The following TENM4 variants were observed in gnomAD, a reference collection of about 807,000 sequenced individuals.
TENM4 encodes the protein teneurin-4.
TENM4 carries 82 observed loss-of-function variants against 243.3 expected under a neutral mutation model. That is an observed-to-expected ratio of 0.34 (90% CI 0.28 to 0.40). TENM4 has a LOEUF of 0.40. Ranked by LOEUF, TENM4 falls within the 10% of genes least tolerant of loss-of-function variation. The pLI, the probability that TENM4 is intolerant of heterozygous loss-of-function variation, is 1.00. For synonymous variants in TENM4, 1,412 were observed against 1,456.3 expected (o/e 0.97, Z 0.69); for missense variants, 3,138 against 3,673.3 (o/e 0.85, Z 3.77).
intron 12 of TENM4, among the ~76,000 whole-genome samples, chr11:78,843,467 A>G (rs2136179050): frequency 6.6e-6 from 1 of 152,268 alleles, no homozygotes; most frequent in African/African-American, 2.4e-5. Flanking sequence ...AGCCTGGGTG[A>G]CAAAGCAAGA....
intron 2 of TENM4, among the ~76,000 whole-genome samples, chr11:79,245,938 TA>T (rs1199883938): frequency 0.034 from 2,215 of 64,922 alleles, 50 homozygotes; most frequent in African/African-American, 0.1. Flanking sequence ...AGACTTTGTC[TA>T]AAAAAAAAAA....
chr11:78,814,472 G>T (rs1024607995), intron 12 of TENM4, 77 bp from the exon 13 acceptor site: 4 of 1,284,916 alleles, frequency 3.1e-6, no homozygotes, highest in Middle Eastern at 1.8e-4. Context: ...CAAGCTTTAG[G>T]TTAGCCAAGA....
At chr11:79,161,852 C>A (rs1273402917) in intron 3 of TENM4, among the ~76,000 whole-genome samples, 1 of 152,176 alleles carries the variant, frequency 6.6e-6, no homozygotes, top group Non-Finnish European at 1.5e-5. Flanking sequence ...AGTACTAACT[C>A]TGCACCAGAA....
At chr11:79,290,915 C>G (rs1322624462) in intron 2 of TENM4, among the ~76,000 whole-genome samples, 1 of 152,166 alleles carries the variant, frequency 6.6e-6, no homozygotes, top group African/African-American at 2.4e-5. Context: ...TCATTTAGAG[C>G]TGTTTGTTTG....
chr11:79,268,421 G>T (rs1590839475), intron 2 of TENM4, among the ~76,000 whole-genome samples: 1 of 152,292 alleles, frequency 6.6e-6, no homozygotes, highest in East Asian at 1.9e-4. Context: ...TCTGACACTG[G>T]ACAAGTCACT....
intron 2 of TENM4, among the ~76,000 whole-genome samples, chr11:79,254,360 A>C (rs1366513655): frequency 2.6e-5 from 4 of 152,238 alleles, no homozygotes; most frequent in Admixed American, 6.5e-5. Flanking sequence ...CTGATAGTGA[A>C]ACACCTCCTA....
chr11:78,868,366 G>A (rs980248027), intron 9 of TENM4, among the ~76,000 whole-genome samples: 1 of 152,156 alleles, frequency 6.6e-6, no homozygotes, highest in Non-Finnish European at 1.5e-5. Context: ...GTGAAAAGGT[G>A]AAAAGATGCT....
intron 3 of TENM4, among the ~76,000 whole-genome samples, chr11:79,160,485 T>G (rs1441105561): frequency 6.6e-6 from 1 of 151,504 alleles, no homozygotes; most frequent in East Asian, 1.9e-4. Flanking sequence ...CTTTGCAACC[T>G]GGGGTGCAGG....
intron 1 of TENM4, among the ~76,000 whole-genome samples, chr11:79,433,834 T>C (rs1430503319): frequency 6.6e-6 from 1 of 152,236 alleles, no homozygotes; most frequent in African/African-American, 2.4e-5. Flanking sequence ...CTAGTGAAAC[T>C]AGAGTGGCAT....
intron 6 of TENM4, among the ~76,000 whole-genome samples, chr11:78,918,777 TA>T (rs1856379721): frequency 6.6e-6 from 1 of 152,196 alleles, no homozygotes. Context: ...ATTTTCTTTT[TA>T]AATAAGGAAG....
intron 4 of TENM4, among the ~76,000 whole-genome samples, chr11:79,089,676 A>T (rs1860900161): frequency 6.6e-6 from 1 of 152,202 alleles, no homozygotes; most frequent in East Asian, 1.9e-4. Flanking sequence ...ACAGACTAGT[A>T]GCATTCCAAT....
intron 22 of TENM4, among the ~76,000 whole-genome samples, chr11:78,727,568 G>A (rs1356240543): frequency 6.6e-6 from 1 of 151,958 alleles, no homozygotes; most frequent in Non-Finnish European, 1.5e-5. Flanking sequence ...TTTAAATTAG[G>A]AAAAATGTTT....
intron 2 of TENM4, among the ~76,000 whole-genome samples, chr11:79,268,409 T>C (rs897454411): frequency 1.3e-5 from 2 of 152,196 alleles, no homozygotes; most frequent in African/African-American, 2.4e-5. Flanking sequence ...ACATTTCAGC[T>C]ATCTGACACT....
At chr11:79,280,177 T>TA (rs1419154103) in intron 2 of TENM4, among the ~76,000 whole-genome samples, 14 of 152,246 alleles carry the variant, frequency 9.2e-5, no homozygotes, top group African/African-American at 3.1e-4. Flanking sequence ...AGTATTTTGT[T>TA]ACAGCATTAT....
chr11:79,171,574 A>G (rs1296996122), intron 3 of TENM4, among the ~76,000 whole-genome samples: 1 of 152,212 alleles, frequency 6.6e-6, no homozygotes, highest in Non-Finnish European at 1.5e-5. Flanking sequence ...GAAATCTTTA[A>G]CAACTGGGGA....
chr11:79,173,936 G>C (rs1167280800), intron 3 of TENM4, among the ~76,000 whole-genome samples: 1 of 152,186 alleles, frequency 6.6e-6, no homozygotes, highest in Non-Finnish European at 1.5e-5. Context: ...TAAGGGAAAA[G>C]GTGGCTAGAG....
intron 1 of TENM4, among the ~76,000 whole-genome samples, chr11:79,301,864 G>A (rs1856555227): frequency 6.6e-6 from 1 of 152,280 alleles, no homozygotes; most frequent in East Asian, 1.9e-4. Context: ...CGCCATTATG[G>A]TAAGTTTCCT....
intron 7 of TENM4, among the ~76,000 whole-genome samples, chr11:78,899,571 GAA>G (rs71473386): frequency 0.12 from 9,433 of 78,384 alleles, 1,509 homozygotes; most frequent in South Asian, 0.17. Flanking sequence ...GGGGGGGGGG[GAA>G]AAAGAAAAAA....
chr11:78,685,838 A>G (rs1175455726), intron 29 of TENM4, among the ~76,000 whole-genome samples: 1 of 152,226 alleles, frequency 6.6e-6, no homozygotes, highest in Non-Finnish European at 1.5e-5. Context: ...TCTTGGCAAT[A>G]ATCCAGTCAG....
Sources: allele counts gnomAD v4.1 joint callset (sites outside exome capture counted in the v4.1 genomes callset), GRCh38; gene constraint gnomAD v4.1.1; transcripts MANE v1.5; gene names NCBI Gene and HGNC (gene_info 2026-07-23, HGNC 2026-07-21).